The following DLGAP2 variants were observed in gnomAD, a reference collection of about 807,000 sequenced individuals.
DLGAP2 encodes DLG associated protein 2.
Under a neutral mutation model 100.3 loss-of-function variants are expected in DLGAP2, and 26 were observed. That is an observed-to-expected ratio of 0.26 (90% confidence interval 0.19 to 0.36). The LOEUF (loss-of-function observed/expected upper bound fraction) is 0.36. Among genes scored for constraint, DLGAP2 ranks in the 10% least tolerant of loss-of-function variants. The pLI is 1.00. For missense variants in DLGAP2, 1,858 were observed against 1,453.2 expected, an observed-to-expected ratio of 1.28 and a Z score of -4.53; for synonymous variants, 886 against 630.1, an observed-to-expected ratio of 1.41 and a Z score of -6.08.
intron 3 of DLGAP2, among the ~76,000 whole-genome samples, chr8:1,331,980 C>A (rs1200324617): frequency 2.0e-5 from 3 of 152,032 alleles, no homozygotes; most frequent in African/African-American, 7.2e-5. Flanking sequence ...CCCTGAACAG[C>A]CCCAGGGTGG....
chr8:1,137,913 CT>C (rs1215203228), intron 2 of DLGAP2: 2 of 152,274 alleles, frequency 1.3e-5, no homozygotes, highest in Non-Finnish European at 2.9e-5. Flanking sequence ...GCTTCACCCC[CT>C]GGGGTAGCTG....
chr8:1,304,430 T>A (rs1045542216), intron 3 of DLGAP2, among the ~76,000 whole-genome samples: 5 of 152,158 alleles, frequency 3.3e-5, no homozygotes, highest in South Asian at 2.1e-4. Flanking sequence ...TGAGATTTTT[T>A]AAAAAATGAC....
chr8:776,736 C>A (rs546235808), intron 1 of DLGAP2, among the ~76,000 whole-genome samples: 2 of 152,120 alleles, frequency 1.3e-5, no homozygotes, highest in Non-Finnish European at 2.9e-5. Context: ...AATTTCTGTT[C>A]TTTTACATGT....
At chr8:1,087,790 A>C (rs1804024719) in intron 2 of DLGAP2, among the ~76,000 whole-genome samples, 1 of 152,226 alleles carries the variant, frequency 6.6e-6, no homozygotes, top group African/African-American at 2.4e-5. Flanking sequence ...AATCCATTTT[A>C]CTGTCTCCTG....
intron 3 of DLGAP2, among the ~76,000 whole-genome samples, chr8:1,310,990 G>A (rs562997595): frequency 9.2e-4 from 140 of 152,022 alleles, no homozygotes; most frequent in Middle Eastern, 3.4e-3. Flanking sequence ...CAACAAAACT[G>A]AAGTCAGTTG....
At chr8:1,587,668 G>A (rs1290070828) in intron 6 of DLGAP2, among the ~76,000 whole-genome samples, 1 of 152,166 alleles carries the variant, frequency 6.6e-6, no homozygotes, top group African/African-American at 2.4e-5. Context: ...ATGAAGGAGA[G>A]ATAGGGTTAC....
chr8:1,272,779 C>CGGCT (rs1448698874), intron 3 of DLGAP2, among the ~76,000 whole-genome samples: 2 of 152,080 alleles, frequency 1.3e-5, no homozygotes, highest in East Asian at 3.9e-4. Flanking sequence ...ATGCAACAGA[C>CGGCT]GGCTCTCTAG....
intron 2 of DLGAP2, among the ~76,000 whole-genome samples, chr8:957,262 G>A (rs1799617753): frequency 6.6e-6 from 1 of 152,224 alleles, no homozygotes; most frequent in Non-Finnish European, 1.5e-5. Flanking sequence ...CCCCTCCAGG[G>A]CCTCCTGTCT....
intron 1 of DLGAP2, among the ~76,000 whole-genome samples, chr8:746,011 C>T (rs1181923079): frequency 6.6e-6 from 1 of 152,228 alleles, no homozygotes; most frequent in Non-Finnish European, 1.5e-5. Flanking sequence ...AAGGTCATCC[C>T]CTCAACACTC....
chr8:961,245 A>C (rs574893370), intron 2 of DLGAP2, among the ~76,000 whole-genome samples: 2 of 152,316 alleles, frequency 1.3e-5, no homozygotes, highest in East Asian at 1.9e-4. Context: ...GGCTTTGTAA[A>C]GTTCCTGATG....
At chr8:1,671,646 C>T (rs1458214050) in intron 10 of DLGAP2, among the ~76,000 whole-genome samples, 2 of 152,226 alleles carry the variant, frequency 1.3e-5, no homozygotes, top group African/African-American at 4.8e-5. Flanking sequence ...CTACGTCTAA[C>T]GTGATCCCTA....
chr8:1,208,352 G>GT (rs1798038680), intron 2 of DLGAP2, among the ~76,000 whole-genome samples: 1 of 152,120 alleles, frequency 6.6e-6, no homozygotes, highest in South Asian at 2.1e-4. Context: ...TGTTTGGTTT[G>GT]TTAAAGATCA....
intron 3 of DLGAP2, among the ~76,000 whole-genome samples, chr8:1,299,331 T>C (rs1175131806): frequency 6.6e-6 from 1 of 152,212 alleles, no homozygotes; most frequent in Non-Finnish European, 1.5e-5. Flanking sequence ...TCCAGTGGTG[T>C]CTCCACCATA....
intron 12 of DLGAP2, among the ~76,000 whole-genome samples, chr8:1,691,302 C>T (rs899764090): frequency 6.6e-6 from 1 of 152,150 alleles, no homozygotes. Flanking sequence ...AAGTTTCTCC[C>T]AGTACCCAAG....
Position 777,071 on chromosome 8 carries a change from T to C in DLGAP2, c.18+39246T>C, listed in dbSNP as rs1336060910. On this transcript the variant is annotated intron_variant, in intron 1 of 14. Coordinates refer to ENST00000637795, the MANE Select transcript of DLGAP2 (RefSeq NM_001346810.2). Reference sequence around the variant, plus strand: ...CATATATATTTAGGATAGTTAGCTCTTCTTGTTGAATTGATCCCTTTACCA... The same window carrying C: ...CATATATATTTAGGATAGTTAGCTCCTCTTGTTGAATTGATCCCTTTACCA... Among the ~76,000 whole-genome samples, 4 of 152,274 alleles carry C rather than the reference T, an allele frequency of 2.6e-5. No individual in the cohort carries two copies. In the East Asian group the frequency reaches 5.8e-4, roughly 22 times the overall value.
chr8:1,672,920 C>A (rs1798726926), intron 10 of DLGAP2, among the ~76,000 whole-genome samples: 1 of 151,996 alleles, frequency 6.6e-6, no homozygotes, highest in South Asian at 2.1e-4. Context: ...AGATTGGCAC[C>A]CTGGCCCAGT....
intron 6 of DLGAP2, among the ~76,000 whole-genome samples, chr8:1,578,344 A>G (rs1803078618): frequency 6.6e-6 from 1 of 152,214 alleles, no homozygotes; most frequent in African/African-American, 2.4e-5. Context: ...TGTGATAGGT[A>G]TGGGTTCAGG....
intron 10 of DLGAP2, among the ~76,000 whole-genome samples, chr8:1,674,416 C>T (rs1405146664): frequency 6.6e-6 from 1 of 152,194 alleles, no homozygotes. Flanking sequence ...TCCTATCCCA[C>T]TGTATCACCC....
chr8:763,280 G>T (rs576551731), intron 1 of DLGAP2, among the ~76,000 whole-genome samples: 2 of 152,292 alleles, frequency 1.3e-5, no homozygotes, highest in South Asian at 4.1e-4. Flanking sequence ...TATTGAGAAG[G>T]TTGCTTGTTA....
Sources: allele counts gnomAD v4.1 joint callset (sites outside exome capture counted in the v4.1 genomes callset), GRCh38; gene constraint gnomAD v4.1.1; transcripts MANE v1.5; gene names NCBI Gene and HGNC (gene_info 2026-07-23, HGNC 2026-07-21).